SEPTIN3: variants seen among roughly 807,000 people sequenced by gnomAD.
SEPTIN3 encodes the protein septin 3.
Under a neutral mutation model 45.1 loss-of-function variants are expected in SEPTIN3, and 15 were observed. That is an observed-to-expected ratio of 0.33 (90% CI 0.22 to 0.51). The LOEUF is 0.51. Ranked by LOEUF, SEPTIN3 falls within the 20% of genes least tolerant of loss-of-function variation. The probability of loss-of-function intolerance (pLI) is 0.97; values close to 1 mark genes in which losing one functional copy is unlikely to be tolerated. For missense variants in SEPTIN3, 289 were observed against 457.2 expected, an observed-to-expected ratio of 0.63 and a Z score of 3.35; for synonymous variants, 148 against 164.8, an observed-to-expected ratio of 0.90 and a Z score of 0.78.
chr22:41,985,261 A>G (rs2078186987), intron 3 of SEPTIN3, among the ~76,000 whole-genome samples: 1 of 152,250 alleles, frequency 6.6e-6, no homozygotes, highest in Admixed American at 6.5e-5. Context: ...GCCATAGCGA[A>G]GGAAGTGGAT....
At chr22:41,991,494 C>A in intron 7 of SEPTIN3, 79 bp from the exon 8 acceptor site, 1 of 1,023,186 alleles carries the variant, frequency 9.8e-7, no homozygotes, top group Non-Finnish European at 1.6e-6. Flanking sequence ...CTGACCTCAG[C>A]TCACGCACAC....
At position 41,994,914 on chromosome 22, in the gene SEPTIN3, T is replaced by C; in HGVS notation, c.2505+200T>C. On this transcript the variant is annotated intron_variant, in intron 11 of 11. Coordinates refer to ENST00000644076, the MANE Select transcript of SEPTIN3 (RefSeq NM_001363845.2). This position sits in a 1 kb window ranked among gnomAD's most constrained non-coding sequence, Gnocchi z 4.2. The stretch of plus-strand genomic sequence containing the variant: ...GTGTGTGTGTGTGTGTGTGTGTGTG[T>C]GTGTGTGTGACAGAGAGAGAGCGAG... 1.4e-6 allele frequency: 2 copies of C among 1,478,472 alleles called. No homozygotes were observed. Among genetic ancestry groups the C allele is most frequent in the Non-Finnish European group, 1.8e-6 (2 of 1,116,260 alleles). 91.6% of individuals were successfully genotyped at this position (1,478,472 alleles called of 1,614,324 possible).
Position 41,986,015 on chromosome 22 carries a change from C to CAA in SEPTIN3, c.1729_1730dup (p.Asn577LysfsTer9), listed in dbSNP as rs1228953198. The CAA allele has an allele frequency of 6.2e-7, 1 of 1,612,970 alleles. No individual in the cohort carries two copies. Among genetic ancestry groups the CAA allele is most frequent in the Non-Finnish European group, 8.5e-7 (1 of 1,179,460 alleles). ...GTGGACTGGGCAAATCAACGCTGGT[C>CAA]AACACGCTCTTCAAATCCCAAGTGA... On this transcript the variant is annotated frameshift_variant, in exon 4 of 12. Transcript: ENST00000644076. LOFTEE classifies it high-confidence loss of function.
intron 2 of SEPTIN3, chr22:41,981,232 CT>C (rs111596966): frequency 0.033 from 5,447 of 165,498 alleles, 294 homozygotes; most frequent in African/African-American, 0.12. Flanking sequence ...TTGTCACAGC[CT>C]GGGGGGCTAC....
intron 2 of SEPTIN3, 167 bp from the exon 3 acceptor site, chr22:41,981,478 T>C: frequency 1.7e-6 from 1 of 583,704 alleles, no homozygotes; most frequent in Non-Finnish European, 3.0e-6. Flanking sequence ...CCTCCAGGCC[T>C]CAGTCTCTTT....
Position 41,997,980 on chromosome 22 carries a change from C to T in SEPTIN3, c.*1013C>T. On this transcript the variant is annotated 3_prime_UTR_variant, in exon 12 of 12. Transcript: ENST00000644076. ...CCTGTCTCCACCTGGACACAACTTG[C>T]TCAAAGGCTGGTGACTTGTGGGCCA... The T allele has an allele frequency of 6.5e-6, 1 of 152,828 alleles. No individual in the cohort carries two copies. The allele number at this position is 152,828 out of a possible 1,614,324, so 9.5% of individuals were successfully genotyped here.
rs1367737181 is a variant in SEPTIN3 at position 41,994,017 on chromosome 22, C to A, written c.2360-273C>A. Among the ~76,000 whole-genome samples, 3 of 152,192 alleles carry A rather than the reference C, an allele frequency of 2.0e-5. No homozygotes were observed. The highest frequency in any genetic ancestry group is 7.2e-5 in the African/African-American group (3 of 41,452). ...GTTTCTCAGACTTGGTATTAGTTTT[C>A]TCTTCTATAAAATGGTAAAAATTAT... On this transcript the variant is annotated intron_variant, in intron 9 of 11. Transcript: ENST00000644076. This position sits in a 1 kb window ranked among gnomAD's most constrained non-coding sequence, Gnocchi z 4.2.
At chr22:41,980,981 G>A (rs751425160) in intron 2 of SEPTIN3, among the ~76,000 whole-genome samples, 14 of 152,282 alleles carry the variant, frequency 9.2e-5, no homozygotes, top group African/African-American at 3.1e-4. Context: ...GCTGGGAGAC[G>A]AGAGTGATAG....
chr22:41,971,773 G>T lies in SEPTIN3; in HGVS notation c.281G>T (p.Ser94Ile), dbSNP rs1299632232. The T allele has an allele frequency of 2.5e-6, 1 of 399,112 alleles. No individual in the cohort carries two copies. Among genetic ancestry groups the T allele is most frequent in the African/African-American group, 2.1e-5 (1 of 48,614 alleles). The allele number at this position is 399,112 out of a possible 1,614,324, so 24.7% of individuals were successfully genotyped here. The stretch of plus-strand genomic sequence containing the variant: ...GGCATCGCTCTGGGGGCTTCCTTGA[G>T]CCCCCTGCCCACCAGCAGCCTTGTA... ...ETGIALGASL[S>I]PLPTSSLVPR... The change falls in exon 2 of 12, where the codon AGC becomes ATC. Residue 94 changes from serine (S) to isoleucine (I), a missense_variant. Physicochemically the swap from Ser to Ile is moderately radical, Grantham distance 142 (BLOSUM62 -2). Coordinates refer to ENST00000644076, the MANE Select transcript of SEPTIN3 (RefSeq NM_001363845.2).
At chr22:41,991,786 C>A in intron 8 of SEPTIN3, 118 bp downstream of exon 8, 2 of 764,884 alleles carry the variant, frequency 2.6e-6, no homozygotes, top group South Asian at 1.5e-5. Flanking sequence ...CTTGCCTGAC[C>A]CAGACCAGAA....
chr22:41,981,477 C>G (rs2146686673), intron 2 of SEPTIN3, 168 bp from the exon 3 acceptor site: 1 of 583,028 alleles, frequency 1.7e-6, no homozygotes, highest in South Asian at 2.4e-5. Context: ...TCCTCCAGGC[C>G]TCAGTCTCTT....
chr22:41,971,456 C>T lies in SEPTIN3; in HGVS notation c.-19-18C>T. 2.5e-6 allele frequency: 1 copy of T among 399,072 alleles called. No individual in the cohort carries two copies. Among genetic ancestry groups the T allele is most frequent in the Non-Finnish European group, 4.4e-6 (1 of 226,162 alleles). 24.7% of individuals were successfully genotyped at this position (399,072 alleles called of 1,614,324 possible). ...TCCTCACCCCTGCCTGGCCTCTTCT[C>T]TCTGTTGATTGCCTCAGGGAAAGAC... On this transcript the variant is annotated intron_variant, in intron 1 of 11. Coordinates refer to ENST00000644076, the MANE Select transcript of SEPTIN3 (RefSeq NM_001363845.2).
intron 11 of SEPTIN3, chr22:41,995,274 C>G: frequency 1.0e-6 from 1 of 990,250 alleles, no homozygotes; most frequent in Non-Finnish European, 1.2e-6. Flanking sequence ...GGGGGTAAGG[C>G]TGGGGCTTCC....
intron 2 of SEPTIN3, among the ~76,000 whole-genome samples, chr22:41,977,434 C>G (rs148132917): frequency 6.6e-6 from 1 of 152,302 alleles, no homozygotes; most frequent in Non-Finnish European, 1.5e-5. Flanking sequence ...CGTCCCCTCC[C>G]CCGCAACCCC....
intron 5 of SEPTIN3, 136 bp from the exon 6 acceptor site, chr22:41,987,486 G>A (rs2078228893): frequency 7.5e-6 from 9 of 1,206,804 alleles, no homozygotes; most frequent in Admixed American, 6.4e-5. Context: ...GGCTGAGGGG[G>A]AATCTGGCAG....
chr22:41,995,448 T>C (rs2146730858), intron 11 of SEPTIN3: 2 of 985,570 alleles, frequency 2.0e-6, no homozygotes, highest in Non-Finnish European at 1.2e-6. Flanking sequence ...TCCACTCAAC[T>C]GGCCTCTGCT....
rs781324331 is a variant in SEPTIN3, at chr22:41,986,126, A to C, written c.1825+14A>C. The C allele has an allele frequency of 6.2e-7, 1 of 1,611,300 alleles. No homozygotes were observed. Among genetic ancestry groups the C allele is most frequent in the Non-Finnish European group, 8.5e-7 (1 of 1,178,854 alleles). ...CTATCGGGCATGGTGAGGACCAGGC[A>C]GGGACCCCTATGGGCTTTGTTCAGT... On this transcript the variant is annotated intron_variant, in intron 4 of 11. Transcript: ENST00000644076.
intron 2 of SEPTIN3, among the ~76,000 whole-genome samples, chr22:41,973,793 CAACATGGTG>C (rs1483202754): frequency 6.6e-6 from 1 of 151,836 alleles, no homozygotes; most frequent in Non-Finnish European, 1.5e-5. Flanking sequence ...CTAGCCTGGC[CAACATGGTG>C]ATACCCCGTC....
rs1027724852 is a variant in SEPTIN3 at position 41,996,373 on chromosome 22, C to T, written c.2506-529C>T. The T allele has an allele frequency of 7.1e-6, 7 of 985,524 alleles. No homozygotes were observed. In the Admixed American group the frequency reaches 2.5e-4, roughly 35 times the overall value. 61.0% of individuals were successfully genotyped at this position (985,524 alleles called of 1,614,324 possible). On this transcript the variant is annotated intron_variant, in intron 11 of 11. Coordinates refer to ENST00000644076, the MANE Select transcript of SEPTIN3 (RefSeq NM_001363845.2). Reference sequence around the variant, plus strand: ...AACTGTTTACAATAACCTCATACAACCTTCTGTCCCATCTCCTGGTTCAGC... The same window carrying T: ...AACTGTTTACAATAACCTCATACAATCTTCTGTCCCATCTCCTGGTTCAGC...
Sources: gnomAD v4.1 joint callset for allele counts (sites outside exome capture counted in the v4.1 genomes callset) on GRCh38, gnomAD v4.1.1 for gene constraint, Gnocchi (gnomAD v3.1) non-coding constraint, MANE v1.5 for transcripts, NCBI Gene and HGNC (gene_info 2026-07-23, HGNC 2026-07-21) for gene names.